The following CHMP3 variants were observed in gnomAD, a reference collection of about 807,000 sequenced individuals.
CHMP3 encodes the protein charged multivesicular body protein 3.
In CHMP3, 8 loss-of-function variants were observed where a neutral mutation model predicts 27.4. That is an observed-to-expected ratio of 0.29 (90% CI 0.17 to 0.53). The LOEUF (loss-of-function observed/expected upper bound fraction) is 0.53, where lower values mean the gene tolerates loss of function less well. CHMP3 is among the 20% of genes least tolerant of loss of function. CHMP3 has a pLI of 0.96. For synonymous variants in CHMP3, 86 were observed against 85.5 expected (o/e 1.01, Z -0.03); for missense variants, 208 against 271.5 (o/e 0.77, Z 1.64).
chr2:86,542,352 A>G (rs780430703), intron 1 of CHMP3, 40 bp from the exon 2 acceptor site: 1 of 1,578,784 alleles, frequency 6.3e-7, no homozygotes, highest in Non-Finnish European at 8.7e-7. Flanking sequence ...AGAAAAGCCG[A>G]AACTCCTAAC....
intron 1 of CHMP3, among the ~76,000 whole-genome samples, chr2:86,560,051 G>T (rs577750780): frequency 1.3e-5 from 2 of 152,170 alleles, no homozygotes; most frequent in African/African-American, 2.4e-5. Flanking sequence ...AGATCACGAG[G>T]TCAGGAGATC....
intron 2 of CHMP3, among the ~76,000 whole-genome samples, chr2:86,531,798 C>A (rs950465654): frequency 6.6e-6 from 1 of 152,162 alleles, no homozygotes; most frequent in Non-Finnish European, 1.5e-5. Flanking sequence ...TTCTGGATAC[C>A]TATTTCTATT....
chr2:86,544,257 C>G (rs1676468201), intron 1 of CHMP3, among the ~76,000 whole-genome samples: 1 of 152,090 alleles, frequency 6.6e-6, no homozygotes. Flanking sequence ...CCACATCTCA[C>G]CAATACCTGT....
At chr2:86,548,075 T>C (rs1573293495) in intron 1 of CHMP3, among the ~76,000 whole-genome samples, 1 of 152,146 alleles carries the variant, frequency 6.6e-6, no homozygotes, top group Non-Finnish European at 1.5e-5. Flanking sequence ...TTCACTGAAA[T>C]TCATTCTAGG....
At chr2:86,543,452 CA>C (rs969646695) in intron 1 of CHMP3, among the ~76,000 whole-genome samples, 1 of 152,174 alleles carries the variant, frequency 6.6e-6, no homozygotes, top group Non-Finnish European at 1.5e-5. Context: ...AAAGATTCTG[CA>C]AAAACCACAG....
At chr2:86,558,102 CAA>C (rs909783835) in intron 1 of CHMP3, among the ~76,000 whole-genome samples, 5 of 152,152 alleles carry the variant, frequency 3.3e-5, no homozygotes, top group African/African-American at 1.2e-4. Context: ...CACTCTACCC[CAA>C]GACTAAATTA....
rs182637775 is a variant in CHMP3 at position 86,549,580 on chromosome 2, C to T, written c.46-7268G>A. On this transcript the variant is annotated intron_variant, in intron 1 of 5. Transcript: ENST00000263856. ...AGATGGGGTTGCAGTCAGGCAGAGACGCCCCTCCCCTCCCAGAAGGGTCGG... is the reference window on the plus strand; with the variant it reads ...AGATGGGGTTGCAGTCAGGCAGAGATGCCCCTCCCCTCCCAGAAGGGTCGG... Among the ~76,000 whole-genome samples, 655 of 143,962 alleles carry T rather than the reference C, an allele frequency of 4.5e-3. 11 individuals carry two copies. The highest frequency in any genetic ancestry group is 0.016 in the African/African-American group (622 of 38,302). 94.4% of individuals were successfully genotyped at this position (143,962 alleles called of 152,430 possible).
intron 2 of CHMP3, among the ~76,000 whole-genome samples, chr2:86,530,534 T>C (rs925805993): frequency 3.3e-5 from 5 of 152,228 alleles, no homozygotes; most frequent in African/African-American, 1.2e-4. Flanking sequence ...ACTTTCTTTT[T>C]AAAGCTCAAT....
At chr2:86,548,489 G>T (rs914999103) in intron 1 of CHMP3, among the ~76,000 whole-genome samples, 2 of 152,306 alleles carry the variant, frequency 1.3e-5, no homozygotes, top group Middle Eastern at 6.8e-3. Flanking sequence ...ATGTTTCAGA[G>T]AGCACGGGGT....
At chr2:86,525,857 G>A (rs1177361334) in intron 3 of CHMP3, among the ~76,000 whole-genome samples, 1 of 152,178 alleles carries the variant, frequency 6.6e-6, no homozygotes, top group Non-Finnish European at 1.5e-5. Context: ...TCAATTTTGA[G>A]ATACCCCTTG....
intron 3 of CHMP3, among the ~76,000 whole-genome samples, chr2:86,523,008 A>G (rs1190492930): frequency 6.6e-6 from 1 of 152,130 alleles, no homozygotes; most frequent in Non-Finnish European, 1.5e-5. Context: ...TCTCCCCAAA[A>G]TACTTTTCCT....
At chr2:86,549,527 G>A (rs560357192) in intron 1 of CHMP3, among the ~76,000 whole-genome samples, 66 of 145,704 alleles carry the variant, frequency 4.5e-4, no homozygotes, top group Non-Finnish European at 7.7e-4. Flanking sequence ...CAGACAGGGC[G>A]GCCAGGCAGA....
chr2:86,556,583 GA>G (rs1258985500), intron 1 of CHMP3, among the ~76,000 whole-genome samples: 3 of 152,058 alleles, frequency 2.0e-5, no homozygotes, highest in African/African-American at 4.8e-5. Flanking sequence ...GGGATGTAAA[GA>G]AACTGATCTA....
At chr2:86,522,027 A>G (rs1165255023) in intron 3 of CHMP3, among the ~76,000 whole-genome samples, 1 of 152,072 alleles carries the variant, frequency 6.6e-6, no homozygotes, top group Non-Finnish European at 1.5e-5. Flanking sequence ...CTCTCTTCCA[A>G]TCAAAACACA....
Position 86,529,244 on chromosome 2 carries a change from ACT to A in CHMP3, c.258_259del (p.Val87AlafsTer62). 6.2e-7 allele frequency: 1 copy of A among 1,609,948 alleles called. No individual in the cohort carries two copies. The highest frequency in any genetic ancestry group is 2.3e-5 in the East Asian group (1 of 44,404). On this transcript the variant is annotated frameshift_variant, in exon 3 of 6. Transcript: ENST00000263856. LOFTEE classifies it high-confidence loss of function. ...GAGCTGGTTCTTCATCCCCATGAGC[ACT>A]GAGTTCATGTGTGCTTTGGATGCAT... is the stretch of plus-strand genomic sequence containing the variant.
chr2:86,549,772 C>T (rs895001842), intron 1 of CHMP3, among the ~76,000 whole-genome samples: 1 of 150,594 alleles, frequency 6.6e-6, no homozygotes, highest in Non-Finnish European at 1.5e-5. Flanking sequence ...AGGCGCTCCT[C>T]GCCTCCCAGA....
At chr2:86,521,339 A>G (rs1466806497) in intron 3 of CHMP3, among the ~76,000 whole-genome samples, 1 of 152,212 alleles carries the variant, frequency 6.6e-6, no homozygotes, top group Non-Finnish European at 1.5e-5. Flanking sequence ...GCCACTCAGA[A>G]TCCCACGATA....
intron 2 of CHMP3, among the ~76,000 whole-genome samples, chr2:86,534,267 C>T (rs1275526288): frequency 2.2e-5 from 3 of 134,556 alleles, no homozygotes; most frequent in African/African-American, 2.7e-5. Flanking sequence ...GGCACAATCT[C>T]GGCTCACTGC....
intron 1 of CHMP3, among the ~76,000 whole-genome samples, chr2:86,548,675 A>G (rs1194537776): frequency 1.3e-5 from 2 of 151,532 alleles, no homozygotes; most frequent in African/African-American, 2.4e-5. Flanking sequence ...CATCGTCATC[A>G]TGGCCTGTTC....
Sources: allele counts gnomAD v4.1 joint callset (sites outside exome capture counted in the v4.1 genomes callset), GRCh38; gene constraint gnomAD v4.1.1; transcripts MANE v1.5; gene names NCBI Gene and HGNC (gene_info 2026-07-23, HGNC 2026-07-21).